The following MAF variants were observed in gnomAD, a reference collection of about 807,000 sequenced individuals.
MAF encodes transcription factor Maf.
MAF carries 10 observed loss-of-function variants against 22.0 expected under a neutral mutation model. That is an observed-to-expected ratio of 0.45 (90% CI 0.28 to 0.77). The LOEUF (loss-of-function observed/expected upper bound fraction) is 0.77. Among genes scored for constraint, MAF ranks in the 30% least tolerant of loss-of-function variants. The probability of loss-of-function intolerance (pLI) is 0.12; values close to 1 mark genes in which losing one functional copy is unlikely to be tolerated. For missense variants in MAF, 544 were observed against 548.4 expected (o/e 0.99, Z 0.08); for synonymous variants, 337 against 255.8 (o/e 1.32, Z -3.03).
At chr16:79,238,789 C>G in the MAF span, among the ~76,000 whole-genome samples, 26 of 151,948 alleles carry the variant, frequency 1.7e-4, no homozygotes, top group Non-Finnish European at 2.9e-4. Flanking sequence ...TTTTTATTTG[C>G]TAAATCTGGT....
the MAF span, among the ~76,000 whole-genome samples, chr16:79,567,754 G>A: frequency 6.6e-6 from 1 of 152,192 alleles, no homozygotes; most frequent in African/African-American, 2.4e-5. Context: ...CCCATCTACA[G>A]GGCAACAGGC....
At chr16:79,534,062 G>A in the MAF span, among the ~76,000 whole-genome samples, 2 of 152,066 alleles carry the variant, frequency 1.3e-5, no homozygotes, top group Non-Finnish European at 2.9e-5. Flanking sequence ...TGCTTATATT[G>A]TAAACTACAA....
chr16:79,383,705 G>A, the MAF span, among the ~76,000 whole-genome samples: 1 of 152,098 alleles, frequency 6.6e-6, no homozygotes, highest in Admixed American at 6.6e-5. Context: ...ACAGAACCCT[G>A]TGTTTACGCT....
chr16:79,357,252 TCACAACAA>T, the MAF span, among the ~76,000 whole-genome samples: 1 of 111,346 alleles, frequency 9.0e-6, no homozygotes, highest in Non-Finnish European at 1.8e-5. Flanking sequence ...CAAGACTCTG[TCACAACAA>T]CAACAACAAC....
At chr16:79,410,691 G>A in the MAF span, among the ~76,000 whole-genome samples, 2 of 152,220 alleles carry the variant, frequency 1.3e-5, no homozygotes, top group African/African-American at 4.8e-5. Flanking sequence ...AATGCAGGAA[G>A]GCTGCATGGA....
the MAF span, among the ~76,000 whole-genome samples, chr16:79,293,797 C>A: frequency 6.6e-6 from 1 of 151,696 alleles, no homozygotes; most frequent in Admixed American, 6.6e-5. Context: ...ACCACCTTTT[C>A]TTGTGCCAGT....
chr16:79,255,250 G>C, the MAF span, among the ~76,000 whole-genome samples: 1 of 152,194 alleles, frequency 6.6e-6, no homozygotes, highest in Admixed American at 6.5e-5. Flanking sequence ...GGTTAGCTTT[G>C]CCTTTTCTGT....
the MAF span, among the ~76,000 whole-genome samples, chr16:79,255,376 G>A: frequency 6.6e-5 from 10 of 152,318 alleles, no homozygotes; most frequent in South Asian, 2.1e-4. Context: ...CTCTCTGCTC[G>A]TTTTGGGAGA....
chr16:79,317,151 CCCTT>C, the MAF span, among the ~76,000 whole-genome samples: 11 of 138,536 alleles, frequency 7.9e-5, no homozygotes, highest in African/African-American at 8.1e-5. Flanking sequence ...TTCCCTCCCT[CCCTT>C]CCTCCCTTCT....
the MAF span, among the ~76,000 whole-genome samples, chr16:79,519,327 A>AG: frequency 1.3e-5 from 2 of 152,172 alleles, no homozygotes; most frequent in Non-Finnish European, 1.5e-5. Context: ...CTGTGAAGAA[A>AG]GGCATGCTAT....
the MAF span, among the ~76,000 whole-genome samples, chr16:79,574,587 G>C: frequency 6.6e-6 from 1 of 152,230 alleles, no homozygotes; most frequent in South Asian, 2.1e-4. Context: ...GAAGACCTCT[G>C]ACCATAGCTC....
In MAF at chr16:79,599,662, C is replaced by T. The variant is rs1011640696; in HGVS notation, c.241G>A (p.Gly81Ser). The T allele has an allele frequency of 6.2e-7, 1 of 1,612,052 alleles. No homozygotes were observed. The highest frequency in any genetic ancestry group is 1.7e-5 in the Admixed American group (1 of 59,940). Residue 81 changes from glycine to serine, a missense_variant, in exon 1 of 2, where the codon GGC (glycine) becomes AGC (serine). Gly to Ser is a moderately conservative substitution (Grantham distance 56, BLOSUM62 0). Around this residue, in one of 5 missense-constraint regions of MAF, gnomAD observed 342 missense variants for 315.5 expected, o/e 1.08. Transcript: ENST00000326043. ...PSFSAPSPGS[G>S]SEQKAHLEDY... ...TCCAGGTGCGCCTTCTGCTCGCTGC[C>T]CGAGCCCGGGCTGGGCGCCGAGAAG...
the MAF span, among the ~76,000 whole-genome samples, chr16:79,237,472 G>T: frequency 6.6e-6 from 1 of 152,158 alleles, no homozygotes; most frequent in South Asian, 2.1e-4. Context: ...CACTGGAAAT[G>T]GTTGGTTGGA....
chr16:79,267,331 C>T, the MAF span, among the ~76,000 whole-genome samples: 245 of 152,254 alleles, frequency 1.6e-3, no homozygotes, highest in African/African-American at 5.4e-3. Context: ...AAGTGGTTCA[C>T]GTGGTTACTG....
chr16:79,576,879 T>A, the MAF span, among the ~76,000 whole-genome samples: 1 of 152,198 alleles, frequency 6.6e-6, no homozygotes, highest in Non-Finnish European at 1.5e-5. Context: ...ATGCAGAAAC[T>A]TTGTATCCTT....
the MAF span, among the ~76,000 whole-genome samples, chr16:79,361,825 T>A: frequency 6.6e-6 from 1 of 152,216 alleles, no homozygotes; most frequent in Admixed American, 6.5e-5. Flanking sequence ...AAAAGTCAGA[T>A]AAATGCTTAA....
At chr16:79,362,215 G>C in the MAF span, among the ~76,000 whole-genome samples, 29 of 152,346 alleles carry the variant, frequency 1.9e-4, no homozygotes, top group African/African-American at 6.7e-4. Flanking sequence ...CAAATGCCTT[G>C]AACATAGTCA....
the MAF span, among the ~76,000 whole-genome samples, chr16:79,242,786 T>C: frequency 3.9e-5 from 6 of 152,160 alleles, no homozygotes; most frequent in South Asian, 2.1e-4. Flanking sequence ...TATTCTAAAA[T>C]TGACCACATA....
the MAF span, among the ~76,000 whole-genome samples, chr16:79,357,350 T>G: frequency 1.3e-4 from 20 of 152,306 alleles, no homozygotes; most frequent in African/African-American, 4.8e-4. Flanking sequence ...CTCGGGAGGC[T>G]GAGGCAGGAG....
Sources: allele counts gnomAD v4.1 joint callset (sites outside exome capture counted in the v4.1 genomes callset), GRCh38; gene constraint gnomAD v4.1.1; regional missense constraint gnomAD v4.1.1; transcripts MANE v1.5; gene names NCBI Gene and HGNC (gene_info 2026-07-23, HGNC 2026-07-21).